The following MARCHF1 variants were observed in gnomAD, a reference collection of about 807,000 sequenced individuals.
MARCHF1 encodes E3 ubiquitin-protein ligase MARCHF1.
A neutral mutation model predicts 54.2 loss-of-function variants in MARCHF1; 40 were observed. The ratio of observed to expected loss-of-function variants is 0.74; its 90% CI spans 0.57 to 0.96. The LOEUF (loss-of-function observed/expected upper bound fraction) is 0.96, where lower values mean the gene tolerates loss of function less well. Among genes scored for constraint, MARCHF1 ranks in the 40% least tolerant of loss-of-function variants. MARCHF1 has a pLI of 0.00. For missense variants in MARCHF1, 586 were observed against 656.5 expected (o/e 0.89, Z 1.17); for synonymous variants, 236 against 236.3 (o/e 1.00, Z 0.01).
At chr4:163,577,553 A>C (rs1485747387) in intron 8 of MARCHF1, among the ~76,000 whole-genome samples, 1 of 151,940 alleles carries the variant, frequency 6.6e-6, no homozygotes, top group Non-Finnish European at 1.5e-5. Flanking sequence ...TGGTCACTAC[A>C]TGCCTCAGTG....
chr4:164,197,307 G>C, intron 1 of MARCHF1: 1 of 1,611,992 alleles, frequency 6.2e-7, no homozygotes, highest in Non-Finnish European at 8.5e-7. Flanking sequence ...TGAGTTGCAG[G>C]AGAAGCTTGA....
chr4:163,817,483 T>C (rs77040713), intron 4 of MARCHF1, among the ~76,000 whole-genome samples: 104 of 132,628 alleles, frequency 7.8e-4, no homozygotes, highest in Non-Finnish European at 1.5e-3. Flanking sequence ...CACACACACA[T>C]ATCCATCATG....
intron 4 of MARCHF1, among the ~76,000 whole-genome samples, chr4:163,778,142 A>C (rs1747356950): frequency 6.8e-6 from 1 of 147,098 alleles, no homozygotes; most frequent in African/African-American, 2.5e-5. Flanking sequence ...ACATGGATAT[A>C]CCACAGTTTT....
At chr4:164,177,781 T>C (rs1730726255) in intron 1 of MARCHF1, among the ~76,000 whole-genome samples, 1 of 150,398 alleles carries the variant, frequency 6.6e-6, no homozygotes, top group South Asian at 2.1e-4. Context: ...TCTCTCTCTC[T>C]CAATCTCAGT....
At chr4:164,015,958 G>T (rs1367535830) in intron 2 of MARCHF1, among the ~76,000 whole-genome samples, 1 of 151,540 alleles carries the variant, frequency 6.6e-6, no homozygotes, top group Non-Finnish European at 1.5e-5. Flanking sequence ...CCACTGCTGG[G>T]TCTATGTTCA....
chr4:164,298,518 C>T (rs1312531868), intron 1 of MARCHF1, among the ~76,000 whole-genome samples: 1 of 152,038 alleles, frequency 6.6e-6, no homozygotes, highest in Admixed American at 6.6e-5. Context: ...ATATTTTAAA[C>T]AATTTTCATA....
intron 3 of MARCHF1, among the ~76,000 whole-genome samples, chr4:163,885,881 G>A (rs1294110660): frequency 6.7e-6 from 1 of 150,140 alleles, no homozygotes; most frequent in Non-Finnish European, 1.5e-5. Context: ...AGACCAACCT[G>A]GGCAACAAAA....
At chr4:164,124,543 C>T (rs897847575) in intron 1 of MARCHF1, among the ~76,000 whole-genome samples, 8 of 151,970 alleles carry the variant, frequency 5.3e-5, no homozygotes, top group Non-Finnish European at 1.0e-4. Context: ...CATCGACAGA[C>T]AAATGGATAA....
intron 2 of MARCHF1, among the ~76,000 whole-genome samples, chr4:164,066,877 G>T (rs1001274105): frequency 1.3e-5 from 2 of 152,070 alleles, no homozygotes; most frequent in Admixed American, 6.6e-5. Context: ...GAAGGGTGGC[G>T]GGTGAGAAGA....
intron 2 of MARCHF1, among the ~76,000 whole-genome samples, chr4:164,101,851 G>A (rs1579534841): frequency 1.3e-5 from 2 of 151,938 alleles, no homozygotes; most frequent in East Asian, 1.9e-4. Context: ...AGGCAAATAA[G>A]TTGAAAACTT....
At chr4:163,729,863 T>C (rs1745777068) in intron 4 of MARCHF1, among the ~76,000 whole-genome samples, 2 of 152,164 alleles carry the variant, frequency 1.3e-5, no homozygotes, top group Admixed American at 1.3e-4. Context: ...TTTGTCCTTG[T>C]CTTTGGGAAG....
At chr4:163,874,752 T>C (rs1750253444) in intron 3 of MARCHF1, among the ~76,000 whole-genome samples, 1 of 152,198 alleles carries the variant, frequency 6.6e-6, no homozygotes, top group South Asian at 2.1e-4. Flanking sequence ...TTTATATCTC[T>C]ACGGTACTTA....
rs1323165055 is a variant in MARCHF1 at position 163,861,839 on chromosome 4, A to G, written c.-38-7670T>C. Among the ~76,000 whole-genome samples, 14 of 145,590 alleles carry G rather than the reference A, an allele frequency of 9.6e-5. No individual in the cohort carries two copies. In the Admixed American group the frequency reaches 1.0e-3, roughly 10 times the overall value. ...GTTCCAAAATTTACTATAAAGTTAC[A>G]GTAATCAAGACAGTGTGGTGTTGGA... On this transcript the variant is annotated intron_variant, in intron 3 of 9. Coordinates refer to ENST00000514618, the MANE Select transcript of MARCHF1 (RefSeq NM_001394959.1).
intron 8 of MARCHF1, among the ~76,000 whole-genome samples, chr4:163,551,197 CAG>C (rs1209335922): frequency 6.6e-6 from 1 of 152,162 alleles, no homozygotes; most frequent in African/African-American, 2.4e-5. Context: ...TGAAATGATT[CAG>C]AGTTAGCTCA....
chr4:164,340,894 C>T (rs1326036469), intron 1 of MARCHF1, among the ~76,000 whole-genome samples: 1 of 143,916 alleles, frequency 6.9e-6, no homozygotes, highest in East Asian at 2.1e-4. Context: ...TACCTTGATA[C>T]CAAAGACAGC....
intron 1 of MARCHF1, among the ~76,000 whole-genome samples, chr4:164,329,241 T>C (rs1019221178): frequency 6.6e-6 from 1 of 152,228 alleles, no homozygotes; most frequent in South Asian, 2.1e-4. Context: ...CTTTTACTTA[T>C]GGAAACTGTG....
At chr4:163,736,549 T>G (rs534647218) in intron 4 of MARCHF1, among the ~76,000 whole-genome samples, 650 of 131,320 alleles carry the variant, frequency 4.9e-3, no homozygotes, top group African/African-American at 5.5e-3. Flanking sequence ...AAGGGTTGGG[T>G]GGGGGGGGGG....
intron 1 of MARCHF1, among the ~76,000 whole-genome samples, chr4:164,190,957 G>T (rs1277878286): frequency 2.0e-5 from 3 of 152,096 alleles, no homozygotes; most frequent in Non-Finnish European, 4.4e-5. Flanking sequence ...TTGTTTCTCT[G>T]TTGTTATTGT....
At chr4:163,977,181 T>C (rs1348882209) in intron 3 of MARCHF1, among the ~76,000 whole-genome samples, 4 of 151,776 alleles carry the variant, frequency 2.6e-5, no homozygotes, top group African/African-American at 9.7e-5. Flanking sequence ...AATATTAGTG[T>C]CAGGATTAGA....
Sources: allele counts gnomAD v4.1 joint callset (sites outside exome capture counted in the v4.1 genomes callset), GRCh38; gene constraint gnomAD v4.1.1; transcripts MANE v1.5; gene names NCBI Gene and HGNC (gene_info 2026-07-23, HGNC 2026-07-21).